The following ANKUB1 variants were observed in gnomAD, a reference collection of about 807,000 sequenced individuals.
The protein encoded by ANKUB1 is ankyrin repeat and ubiquitin domain containing 1.
ANKUB1 carries 42 observed loss-of-function variants against 49.3 expected under a neutral mutation model. The observed-to-expected ratio is 0.85, with a 90% CI of 0.67 to 1.10. The LOEUF (loss-of-function observed/expected upper bound fraction) is 1.10, where lower values mean the gene tolerates loss of function less well. Ranked by LOEUF, ANKUB1 falls within the 50% of genes least tolerant of loss-of-function variation. The pLI is 0.00. For missense variants in ANKUB1, 613 were observed against 642.0 expected (o/e 0.95, Z 0.49); for synonymous variants, 222 against 231.0 (o/e 0.96, Z 0.35).
chr3:149,784,978 T>C (rs1718029360), intron 2 of ANKUB1, among the ~76,000 whole-genome samples: 1 of 152,144 alleles, frequency 6.6e-6, no homozygotes, highest in African/African-American at 2.4e-5. Flanking sequence ...GTGAAAACAG[T>C]GGACAAAACT....
intron 5 of ANKUB1, 88 bp from the exon 6 acceptor site, chr3:149,761,701 T>G (rs1157344877): frequency 4.2e-6 from 6 of 1,420,112 alleles, no homozygotes; most frequent in Non-Finnish European, 3.8e-6. Context: ...CAGGTTGATT[T>G]TGTAGCTAGG....
chr3:149,792,247 A>T, intron 1 of ANKUB1, 30 bp downstream of exon 1: 1 of 1,426,586 alleles, frequency 7.0e-7, no homozygotes, highest in Non-Finnish European at 9.4e-7. Context: ...ATTAATATAC[A>T]TTTTGGTGGT....
At chr3:149,791,670 A>C (rs1223285394) in intron 1 of ANKUB1, among the ~76,000 whole-genome samples, 2 of 152,230 alleles carry the variant, frequency 1.3e-5, no homozygotes, top group Admixed American at 6.5e-5. Context: ...GATGATCAGA[A>C]ACTAAATATT....
chr3:149,772,444 C>T (rs1255626846), intron 3 of ANKUB1, among the ~76,000 whole-genome samples: 3 of 152,154 alleles, frequency 2.0e-5, no homozygotes, highest in Admixed American at 2.0e-4. Context: ...TATTTCAGGC[C>T]TAGGTAATCT....
intron 1 of ANKUB1, 112 bp downstream of exon 1, chr3:149,792,165 C>A: frequency 4.9e-6 from 3 of 608,452 alleles, no homozygotes; most frequent in South Asian, 7.0e-5. Flanking sequence ...AGTTTTCGTT[C>A]CCTGTTTGCT....
intron 3 of ANKUB1, among the ~76,000 whole-genome samples, chr3:149,777,349 G>A (rs1358572295): frequency 6.6e-6 from 1 of 152,140 alleles, no homozygotes; most frequent in Non-Finnish European, 1.5e-5. Context: ...GCGCGTGCCT[G>A]TAGTCCCAGC....
Position 149,767,542 on chromosome 3 carries a change from C to A in ANKUB1, c.1120G>T (p.Val374Leu). Residue 374 changes from valine (V) to leucine (L), a missense_variant, in exon 5 of 6, where the codon GTG becomes TTG. Val to Leu is a conservative substitution (Grantham distance 32, BLOSUM62 1). Coordinates refer to ENST00000446160, the MANE Select transcript of ANKUB1 (RefSeq NM_001144960.3). ...KAGNSDSQSI[V>L]LKLPSLSKQT... is the part of the protein sequence containing the mutation. ...TTGCTGAGAGATGGTAGCTTGAGCACGATGCTTTGTGAGTCGCTGTTCCCA... is the reference window on the plus strand; with the variant it reads ...TTGCTGAGAGATGGTAGCTTGAGCAAGATGCTTTGTGAGTCGCTGTTCCCA... 6.4e-7 allele frequency: 1 copy of A among 1,551,572 alleles called. No individual in the cohort carries two copies. The highest frequency in any genetic ancestry group is 8.7e-7 in the Non-Finnish European group (1 of 1,146,968).
intron 3 of ANKUB1, among the ~76,000 whole-genome samples, chr3:149,771,706 C>G (rs776512654): frequency 1.8e-4 from 28 of 152,046 alleles, no homozygotes; most frequent in Non-Finnish European, 3.8e-4. Flanking sequence ...TGCCGTATAG[C>G]CTGACACTTG....
At chr3:149,771,629 A>T (rs2108267690) in intron 3 of ANKUB1, among the ~76,000 whole-genome samples, 1 of 152,272 alleles carries the variant, frequency 6.6e-6, no homozygotes, top group East Asian at 1.9e-4. Flanking sequence ...TCAGTATTTG[A>T]AATCATTTTA....
intron 2 of ANKUB1, 59 bp downstream of exon 2, chr3:149,790,722 C>T: frequency 6.8e-7 from 1 of 1,470,138 alleles, no homozygotes; most frequent in Non-Finnish European, 9.1e-7. Context: ...TTGACTTATC[C>T]CCAACTTTAT....
intron 4 of ANKUB1, among the ~76,000 whole-genome samples, chr3:149,770,123 T>A (rs1209126560): frequency 6.6e-6 from 1 of 152,198 alleles, no homozygotes; most frequent in Non-Finnish European, 1.5e-5. Context: ...TTTTCTTTTC[T>A]GTAGCTTACT....
rs189579975 is a variant in ANKUB1 at position 149,787,152 on chromosome 3, A to G, written c.234+3629T>C. Among the ~76,000 whole-genome samples, 1,418 of 152,238 alleles carry G rather than the reference A, an allele frequency of 9.3e-3. 11 individuals are homozygous for G. The highest frequency in any genetic ancestry group is 0.014 in the Non-Finnish European group (985 of 68,016). Reference sequence around the variant, plus strand: ...GATTGGGATGGCATTGAATCTATAAATTACCTTGGGCTGTATGGCCATTTT... The same window carrying G: ...GATTGGGATGGCATTGAATCTATAAGTTACCTTGGGCTGTATGGCCATTTT... On this transcript the variant is annotated intron_variant, in intron 2 of 5. Transcript: ENST00000446160.
At chr3:149,770,716 T>C (rs1235658372) in intron 3 of ANKUB1, 42 bp from the exon 4 acceptor site, 3 of 1,282,956 alleles carry the variant, frequency 2.3e-6, no homozygotes, top group Non-Finnish European at 3.2e-6. Context: ...AGTCCAGCAG[T>C]GTGGTTTGAC....
chr3:149,792,169 G>T, intron 1 of ANKUB1, 108 bp downstream of exon 1: 1 of 660,926 alleles, frequency 1.5e-6, no homozygotes, highest in Non-Finnish European at 2.2e-6. Flanking sequence ...TTCGTTCCCT[G>T]TTTGCTGAAA....
chr3:149,775,369 G>C lies in ANKUB1; in HGVS notation c.452-4695C>G, dbSNP rs538236126. The stretch of plus-strand genomic sequence containing the variant: ...TCAATAAAAGCATACTGGTTTGGCA[G>C]TATAAATTGTTGGAAAGAACCCAGT... On this transcript the variant is annotated intron_variant, in intron 3 of 5. Transcript: ENST00000446160. Among the ~76,000 whole-genome samples, 23 of 152,288 alleles carry C rather than the reference G, an allele frequency of 1.5e-4. No homozygotes were observed. In the South Asian group the frequency reaches 3.3e-3, roughly 22 times the overall value.
At chr3:149,787,330 T>A (rs1001761675) in intron 2 of ANKUB1, among the ~76,000 whole-genome samples, 3 of 152,184 alleles carry the variant, frequency 2.0e-5, no homozygotes, top group Admixed American at 6.6e-5. Flanking sequence ...ATTCTCTTTG[T>A]AGCAATTGTG....
chr3:149,767,980 G>A lies in ANKUB1; in HGVS notation c.682C>T (p.Arg228Ter), dbSNP rs200965289. 6 of 1,534,416 alleles carry A rather than the reference G, an allele frequency of 3.9e-6. No individual in the cohort carries two copies. The highest frequency in any genetic ancestry group is 2.8e-5 in the African/African-American group (2 of 72,718). ...PHEAVGVHPY[R>*]AWCHEALHAD... ...TGAAGGGCTTCATGGCACCATGCTC[G>A]ATAGGGGTGAACACCGACTGCCTCG... The change falls in exon 5 of 6, where the codon CGA becomes TGA. Residue 228 changes from arginine (R) to a stop codon, truncating the protein, a stop_gained. Transcript: ENST00000446160. LOFTEE classifies it high-confidence loss of function.
chr3:149,792,430 A>G lies in ANKUB1; in HGVS notation c.-64T>C. 1 of 1,307,400 alleles carries G rather than the reference A, an allele frequency of 7.6e-7. No homozygotes were observed. The highest frequency in any genetic ancestry group is 1.7e-5 in the South Asian group (1 of 60,490). 81.0% of individuals were successfully genotyped at this position (1,307,400 alleles called of 1,614,324 possible). A position where few individuals can be genotyped will look rare whatever the true frequency, so the allele number is the denominator to read the frequency against. On this transcript the variant is annotated 5_prime_UTR_variant, in exon 1 of 6. Coordinates refer to ENST00000446160, the MANE Select transcript of ANKUB1 (RefSeq NM_001144960.3). ...TTCAAAGATTCTCCTGGATGGCTAG[A>G]AAAATTCCGGTTCACAATTAAGGAC...
intron 5 of ANKUB1, among the ~76,000 whole-genome samples, chr3:149,761,843 CAG>C (rs2108259046): frequency 6.6e-6 from 1 of 152,310 alleles, no homozygotes; most frequent in African/African-American, 2.4e-5. Context: ...CAACTAGAAA[CAG>C]AAAGCCACTC....
Sources: gnomAD v4.1 joint callset for allele counts (sites outside exome capture counted in the v4.1 genomes callset) on GRCh38, gnomAD v4.1.1 for gene constraint, MANE v1.5 for transcripts, NCBI Gene and HGNC (gene_info 2026-07-23, HGNC 2026-07-21) for gene names.